Variants in BBS9 observed in about 807,000 individuals in gnomAD.
BBS9 encodes Bardet-Biedl syndrome 9, also known as protein PTHB1.
A neutral mutation model predicts 117.7 loss-of-function variants in BBS9; 89 were observed. The ratio of observed to expected loss-of-function variants is 0.76; its 90% CI spans 0.64 to 0.90. BBS9 has a LOEUF of 0.90. Ranked by LOEUF, BBS9 falls within the 40% of genes least tolerant of loss-of-function variation. The pLI, the probability that BBS9 is intolerant of heterozygous loss-of-function variation, is 0.00. For missense variants in BBS9, 982 were observed against 1,042.2 expected (o/e 0.94, Z 0.80); for synonymous variants, 379 against 370.9 (o/e 1.02, Z -0.25).
intron 3 of BBS9, among the ~76,000 whole-genome samples, chr7:33,154,968 T>A (rs75321286): frequency 0.011 from 1,679 of 152,292 alleles, 29 homozygotes; most frequent in African/African-American, 0.039. Flanking sequence ...CTTTACTCAT[T>A]AACAACCCCT....
At chr7:33,138,070 T>A (rs981288280) in intron 1 of BBS9, among the ~76,000 whole-genome samples, 1 of 152,334 alleles carries the variant, frequency 6.6e-6, no homozygotes, top group Non-Finnish European at 1.5e-5. Context: ...AAAATCATTC[T>A]ATCCACATGC....
In BBS9 at chr7:33,574,079, G is replaced by A. The variant is rs373156165; in HGVS notation, c.2522-30786G>A. Among the ~76,000 whole-genome samples, 230 of 152,210 alleles carry A rather than the reference G, an allele frequency of 1.5e-3. 7 individuals are homozygous for A. The South Asian group carries it at 0.045, about 30-fold the overall frequency. On this transcript the variant is annotated intron_variant, in intron 21 of 22. Transcript: ENST00000242067. The stretch of plus-strand genomic sequence containing the variant: ...CCACAGGCTTACCTGATATCACATA[G>A]CATTTTAATGGTGAGCTGTGACTGG...
At position 33,533,964 on chromosome 7, in the gene BBS9, A is replaced by G. The variant is rs149668719; in HGVS notation, c.2309A>G (p.Glu770Gly). ...GGCTTTTGTATCCAGGGCTGGGAAG[A>G]AACGGTGGATGCCGCCATTTCCCAC... is the stretch of plus-strand genomic sequence containing the variant. ...QEDTQELGWE[E>G]TVDAAISHLL... The change falls in exon 21 of 23, where the codon GAA becomes GGA. Residue 770 changes from glutamate to glycine, a missense_variant. Coordinates refer to ENST00000242067, the MANE Select transcript of BBS9 (RefSeq NM_198428.3). 289 of 1,614,250 alleles carry G rather than the reference A, an allele frequency of 1.8e-4. 2 individuals carry two copies. Among genetic ancestry groups the G allele is most frequent in the Non-Finnish European group, 2.3e-4 (275 of 1,180,048 alleles).
chr7:33,567,014 A>G (rs1324047608), intron 21 of BBS9, among the ~76,000 whole-genome samples: 1 of 152,168 alleles, frequency 6.6e-6, no homozygotes, highest in East Asian at 1.9e-4. Context: ...AATAAAAGGA[A>G]AGGGAGATAG....
chr7:33,313,820 A>T (rs1809852540), intron 9 of BBS9, among the ~76,000 whole-genome samples: 1 of 152,226 alleles, frequency 6.6e-6, no homozygotes, highest in East Asian at 1.9e-4. Flanking sequence ...ACTGAAAGCC[A>T]TTTACATAAA....
chr7:33,310,267 AG>A (rs1215509488), intron 9 of BBS9, among the ~76,000 whole-genome samples: 2 of 152,180 alleles, frequency 1.3e-5, no homozygotes, highest in East Asian at 3.8e-4. Flanking sequence ...ATCGTCATGT[AG>A]TATTATTTTT....
chr7:33,352,899 A>C (rs1273914271), intron 15 of BBS9, 26 bp downstream of exon 15: 1 of 1,604,376 alleles, frequency 6.2e-7, no homozygotes, highest in Admixed American at 1.7e-5. Context: ...ATTTAGAAAA[A>C]AATGAATTTC....
rs754487969 is a variant in BBS9, at chr7:33,604,878, A to G, written c.2535A>G (p.Thr845=). The G allele has an allele frequency of 1.2e-6, 2 of 1,612,034 alleles. No individual in the cohort carries two copies. The highest frequency in any genetic ancestry group is 1.7e-5 in the Admixed American group (1 of 59,982). The part of the protein sequence containing the change: ...QTMVMPGGCT[T]IPESDLEERS... ...TTTTTCAACTAGGTGGTTGTACTAC[A>G]ATCCCAGAGTCAGACCTAGAAGAAA... is the stretch of plus-strand genomic sequence containing the variant. Residue 845 remains threonine, a synonymous_variant, in exon 22 of 23, where the codon ACA becomes ACG. Coordinates refer to ENST00000242067, the MANE Select transcript of BBS9 (RefSeq NM_198428.3).
chr7:33,299,918 A>G (rs573313270), intron 9 of BBS9, among the ~76,000 whole-genome samples: 1 of 152,250 alleles, frequency 6.6e-6, no homozygotes, highest in East Asian at 1.9e-4. Context: ...ACCACCTTCC[A>G]TGCTATAAAT....
intron 5 of BBS9, among the ~76,000 whole-genome samples, chr7:33,221,867 CAT>C (rs1247950806): frequency 1.3e-5 from 2 of 151,740 alleles, no homozygotes; most frequent in African/African-American, 2.4e-5. Flanking sequence ...CTTAAAAAAT[CAT>C]ATATGTGATA....
At chr7:33,397,286 G>T (rs1459499043) in intron 19 of BBS9, among the ~76,000 whole-genome samples, 1 of 152,146 alleles carries the variant, frequency 6.6e-6, no homozygotes, top group African/African-American at 2.4e-5. Context: ...TCACACACCA[G>T]TCAGAATGGG....
intron 16 of BBS9, among the ~76,000 whole-genome samples, chr7:33,364,774 G>T (rs2128705787): frequency 6.8e-6 from 1 of 147,636 alleles, no homozygotes; most frequent in Non-Finnish European, 1.5e-5. Context: ...TGTCATCCAG[G>T]CTGGAGTGCA....
chr7:33,582,078 C>G (rs1860046778), intron 21 of BBS9, among the ~76,000 whole-genome samples: 1 of 151,776 alleles, frequency 6.6e-6, no homozygotes, highest in Admixed American at 6.6e-5. Context: ...CATGACTTGT[C>G]TTTTTTCTGC....
At chr7:33,302,201 A>G (rs1001770987) in intron 9 of BBS9, among the ~76,000 whole-genome samples, 2 of 151,986 alleles carry the variant, frequency 1.3e-5, no homozygotes, top group African/African-American at 4.8e-5. Context: ...GGATAGTTTG[A>G]ACATATTTTC....
intron 5 of BBS9, among the ~76,000 whole-genome samples, chr7:33,249,212 C>G (rs552753196): frequency 2.1e-5 from 3 of 141,098 alleles, no homozygotes; most frequent in African/African-American, 8.2e-5. Context: ...GTAGAAAGAA[C>G]TTCTGGGCAT....
chr7:33,399,533 A>G (rs919252579), intron 19 of BBS9, among the ~76,000 whole-genome samples: 1 of 152,222 alleles, frequency 6.6e-6, no homozygotes, highest in African/African-American at 2.4e-5. Flanking sequence ...CCCTGTAGAT[A>G]GAACTTGTCT....
rs1206630968 is a variant in BBS9, at chr7:33,293,095, T to A, written c.1016+19139T>A. ...ACCAACAGTCATGAGTTCAAGTGTT[T>A]TTATGTACAAAATTTCTCATACCAC... On this transcript the variant is annotated intron_variant, in intron 9 of 22. Transcript: ENST00000242067. Among the ~76,000 whole-genome samples, 4 of 152,144 alleles carry A rather than the reference T, an allele frequency of 2.6e-5. No individual in the cohort carries two copies. The East Asian group carries it at 7.7e-4, about 29-fold the overall frequency.
At chr7:33,393,871 T>A (rs1302971182) in intron 19 of BBS9, among the ~76,000 whole-genome samples, 1 of 152,152 alleles carries the variant, frequency 6.6e-6, no homozygotes, top group Non-Finnish European at 1.5e-5. Context: ...GGTGCATCAT[T>A]AATAGTTTTG....
chr7:33,480,840 G>A (rs1308856029), intron 19 of BBS9, among the ~76,000 whole-genome samples: 2 of 152,144 alleles, frequency 1.3e-5, no homozygotes, highest in Non-Finnish European at 2.9e-5. Flanking sequence ...TTGGATCATG[G>A]AGGCAGTTTC....
Sources: gnomAD v4.1 joint callset for allele counts (sites outside exome capture counted in the v4.1 genomes callset) on GRCh38, gnomAD v4.1.1 for gene constraint, MANE v1.5 for transcripts, NCBI Gene and HGNC (gene_info 2026-07-23, HGNC 2026-07-21) for gene names.